ELOVL6: variants seen among roughly 807,000 people sequenced by gnomAD.
ELOVL6 encodes the protein very long chain fatty acid elongase 6.
ELOVL6 carries 8 observed loss-of-function variants against 31.7 expected under a neutral mutation model. The ratio of observed to expected loss-of-function variants is 0.25; its 90% CI spans 0.15 to 0.45. ELOVL6 has a LOEUF of 0.45. Among genes scored for constraint, ELOVL6 ranks in the 20% least tolerant of loss-of-function variants. The pLI, the probability that ELOVL6 is intolerant of heterozygous loss-of-function variation, is 1.00. For synonymous variants in ELOVL6, 101 were observed against 117.7 expected, an observed-to-expected ratio of 0.86 and a Z score of 0.92; for missense variants, 126 against 326.4, an observed-to-expected ratio of 0.39 and a Z score of 4.73.
At chr4:110,084,136 TGATA>T (rs1560814198) in intron 2 of ELOVL6, among the ~76,000 whole-genome samples, 5 of 43,670 alleles carry the variant, frequency 1.1e-4, no homozygotes, top group African/African-American at 6.2e-4. Flanking sequence ...TATGTGATAA[TGATA>T]TATATGATAT....
intron 2 of ELOVL6, among the ~76,000 whole-genome samples, chr4:110,078,528 C>T (rs994655067): frequency 3.3e-5 from 5 of 152,222 alleles, no homozygotes; most frequent in African/African-American, 9.6e-5. Context: ...ACTTTACAGA[C>T]AAGCAAATGC....
chr4:110,080,790 G>A (rs1755817863), intron 2 of ELOVL6, among the ~76,000 whole-genome samples: 1 of 152,108 alleles, frequency 6.6e-6, no homozygotes, highest in Non-Finnish European at 1.5e-5. Context: ...TAGGAAAAGA[G>A]GAAGTCAAAT....
chr4:110,121,952 C>T (rs1334066639), intron 1 of ELOVL6, among the ~76,000 whole-genome samples: 2 of 151,416 alleles, frequency 1.3e-5, no homozygotes, highest in African/African-American at 2.5e-5. Flanking sequence ...GCTGACTACT[C>T]CTTTTCCATC....
At chr4:110,084,223 ATGAT>A in intron 2 of ELOVL6, among the ~76,000 whole-genome samples, 1 of 56,084 alleles carries the variant, frequency 1.8e-5, no homozygotes, top group South Asian at 5.5e-4. Flanking sequence ...TATAACTTAT[ATGAT>A]ATATATAACA....
intron 1 of ELOVL6, among the ~76,000 whole-genome samples, chr4:110,192,197 A>G (rs1361740506): frequency 6.6e-6 from 1 of 151,954 alleles, no homozygotes; most frequent in East Asian, 1.9e-4. Context: ...TCCAAGAAAA[A>G]AAAAAAAAAG....
rs762292673 is a variant in ELOVL6 at position 110,198,353 on chromosome 4, GTCGC to G, written c.-22_-19del. 1 of 1,427,980 alleles carries G rather than the reference GTCGC, an allele frequency of 7.0e-7. No individual in the cohort carries two copies. Among genetic ancestry groups the G allele is most frequent in the Non-Finnish European group, 9.9e-7 (1 of 1,012,972 alleles). 88.5% of individuals were successfully genotyped at this position (1,427,980 alleles called of 1,614,324 possible). On this transcript the variant is annotated 5_prime_UTR_variant, in exon 1 of 4. Transcript: ENST00000302274. The stretch of plus-strand genomic sequence containing the variant: ...ATGTTCATTGGGGCTGATCTTCGGA[GTCGC>G]TACGTGTTCTCTATACAAAATAAAA...
chr4:110,182,221 C>G (rs1375252063), intron 1 of ELOVL6, among the ~76,000 whole-genome samples: 1 of 152,042 alleles, frequency 6.6e-6, no homozygotes, highest in Non-Finnish European at 1.5e-5. Flanking sequence ...ATCATCCTCC[C>G]TTGAAGTATG....
At chr4:110,173,439 TG>T (rs1192709506) in intron 1 of ELOVL6, among the ~76,000 whole-genome samples, 1 of 151,902 alleles carries the variant, frequency 6.6e-6, no homozygotes, top group East Asian at 2.0e-4. Context: ...CATCTAAAAT[TG>T]TATTAGACCT....
chr4:110,188,269 G>A (rs1759505365), intron 1 of ELOVL6, among the ~76,000 whole-genome samples: 1 of 152,094 alleles, frequency 6.6e-6, no homozygotes, highest in Non-Finnish European at 1.5e-5. Context: ...TAAGTATTCA[G>A]GATCCACCCA....
intron 1 of ELOVL6, among the ~76,000 whole-genome samples, chr4:110,180,636 C>T (rs1759243709): frequency 6.6e-6 from 1 of 152,228 alleles, no homozygotes; most frequent in Non-Finnish European, 1.5e-5. Flanking sequence ...CTCCTGGAAT[C>T]AAGCAATTCT....
At chr4:110,074,200 T>TGCA (rs1755568015) in intron 2 of ELOVL6, among the ~76,000 whole-genome samples, 1 of 152,256 alleles carries the variant, frequency 6.6e-6, no homozygotes, top group South Asian at 2.1e-4. Flanking sequence ...GCTTGGTATT[T>TGCA]GCACATAACC....
intron 2 of ELOVL6, among the ~76,000 whole-genome samples, chr4:110,076,365 G>A (rs917026654): frequency 2.0e-5 from 3 of 152,160 alleles, no homozygotes; most frequent in Non-Finnish European, 4.4e-5. Context: ...TACATTCCAT[G>A]GTGATGTTTT....
intron 1 of ELOVL6, among the ~76,000 whole-genome samples, chr4:110,142,731 T>A (rs1758000041): frequency 6.6e-6 from 1 of 152,224 alleles, no homozygotes; most frequent in Non-Finnish European, 1.5e-5. Context: ...CAACTTCTAG[T>A]TAATTCCTTC....
chr4:110,083,114 A>C (rs1755929892), intron 2 of ELOVL6, among the ~76,000 whole-genome samples: 1 of 151,764 alleles, frequency 6.6e-6, no homozygotes, highest in South Asian at 2.1e-4. Flanking sequence ...ACTACATACT[A>C]GGTTCTTCAT....
At position 110,084,134 on chromosome 4, in the gene ELOVL6, A is replaced by ATATATATGATATATATAACATATATGTG. The variant is rs1372065552; in HGVS notation, c.221+21362_221+21363insCACATATATGTTATATATATCATATATA. ...ATGATATATATAACATATATGTGAT[A>ATATATATGATATATATAACATATATGTG]ATGATATATATGATATATATAACAT... On this transcript the variant is annotated intron_variant, in intron 2 of 3. Coordinates refer to ENST00000302274, the MANE Select transcript of ELOVL6 (RefSeq NM_024090.3). Among the ~76,000 whole-genome samples, 248 of 45,816 alleles carry ATATATATGATATATATAACATATATGTG rather than the reference A, an allele frequency of 5.4e-3. 24 individuals carry two copies. The highest frequency in any genetic ancestry group is 0.033 in the East Asian group (27 of 828). The allele number at this position is 45,816 out of a possible 152,430, so 30.1% of individuals were successfully genotyped here.
intron 1 of ELOVL6, among the ~76,000 whole-genome samples, chr4:110,148,263 A>G (rs1220942868): frequency 1.3e-5 from 2 of 152,200 alleles, no homozygotes; most frequent in Non-Finnish European, 2.9e-5. Flanking sequence ...AATTAAAACC[A>G]CAGTGAAACA....
At chr4:110,176,855 C>G (rs1759122448) in intron 1 of ELOVL6, among the ~76,000 whole-genome samples, 1 of 152,224 alleles carries the variant, frequency 6.6e-6, no homozygotes, top group Non-Finnish European at 1.5e-5. Context: ...CCTGCCTCAG[C>G]CTCCCGAGTA....
chr4:110,075,961 T>C (rs571974373), intron 2 of ELOVL6, among the ~76,000 whole-genome samples: 1 of 152,324 alleles, frequency 6.6e-6, no homozygotes, highest in African/African-American at 2.4e-5. Context: ...CTAAAATAAC[T>C]TCCTGAAACA....
At chr4:110,064,171 G>A (rs1196106166) in intron 2 of ELOVL6, among the ~76,000 whole-genome samples, 1 of 151,922 alleles carries the variant, frequency 6.6e-6, no homozygotes, top group Non-Finnish European at 1.5e-5. Context: ...GAATAGCAGA[G>A]AGCTCTGTGG....
Sources: gnomAD v4.1 joint callset for allele counts (sites outside exome capture counted in the v4.1 genomes callset) on GRCh38, gnomAD v4.1.1 for gene constraint, MANE v1.5 for transcripts, NCBI Gene and HGNC (gene_info 2026-07-23, HGNC 2026-07-21) for gene names.